TMCO5A: variants seen among roughly 807,000 people sequenced by gnomAD.
TMCO5A encodes transmembrane and coiled-coil domains 5A.
TMCO5A carries 34 observed loss-of-function variants against 42.3 expected under a neutral mutation model. The ratio of observed to expected loss-of-function variants is 0.80; its 90% confidence interval spans 0.61 to 1.07. The LOEUF (loss-of-function observed/expected upper bound fraction) is 1.07, where lower values mean the gene tolerates loss of function less well. Among genes scored for constraint, TMCO5A ranks in the 50% least tolerant of loss-of-function variants. The pLI, the probability that TMCO5A is intolerant of heterozygous loss-of-function variation, is 0.00. For synonymous variants in TMCO5A, 131 were observed against 115.6 expected (o/e 1.13, Z -0.86); for missense variants, 357 against 327.9 (o/e 1.09, Z -0.69).
chr15:37,958,211 A>T (rs887206895), intron 11 of TMCO5A, among the ~76,000 whole-genome samples: 1 of 152,232 alleles, frequency 6.6e-6, no homozygotes, highest in Non-Finnish European at 1.5e-5. Flanking sequence ...CACCAAAAGC[A>T]AAGGCAACAA....
chr15:38,038,587 A>G, the TMCO5A span, among the ~76,000 whole-genome samples: 1 of 151,948 alleles, frequency 6.6e-6, no homozygotes. Context: ...TTATATTTGT[A>G]GTAGAGATGG....
chr15:37,960,216 A>G (rs770048426), intron 11 of TMCO5A, among the ~76,000 whole-genome samples: 3 of 151,608 alleles, frequency 2.0e-5, no homozygotes, highest in Non-Finnish European at 4.4e-5. Flanking sequence ...CCCAAAGTCC[A>G]TTGTATCATT....
intron 11 of TMCO5A, among the ~76,000 whole-genome samples, chr15:37,965,322 A>G (rs1890531415): frequency 6.6e-6 from 1 of 152,180 alleles, no homozygotes; most frequent in Non-Finnish European, 1.5e-5. Context: ...ACAAGAAAAC[A>G]TCAGAGAAAC....
the TMCO5A span, among the ~76,000 whole-genome samples, chr15:38,016,514 C>G: frequency 2.6e-5 from 4 of 152,126 alleles, no homozygotes; most frequent in Admixed American, 1.3e-4. Flanking sequence ...TGGTGCAAGA[C>G]TAAATGGCAA....
At chr15:38,017,911 G>A in the TMCO5A span, among the ~76,000 whole-genome samples, 1 of 152,230 alleles carries the variant, frequency 6.6e-6, no homozygotes, top group Non-Finnish European at 1.5e-5. Flanking sequence ...ATGAGATCTG[G>A]TTGTTTGAAA....
the TMCO5A span, among the ~76,000 whole-genome samples, chr15:38,000,755 T>C: frequency 2.0e-5 from 3 of 152,138 alleles, no homozygotes; most frequent in Admixed American, 1.3e-4. Flanking sequence ...TCGTAATTTC[T>C]TCATTGACTT....
chr15:37,939,633 A>G (rs561948193), intron 6 of TMCO5A, among the ~76,000 whole-genome samples: 2 of 152,220 alleles, frequency 1.3e-5, no homozygotes, highest in East Asian at 1.9e-4. Context: ...AGCCCTAAAG[A>G]GTTCAAGAAT....
chr15:38,038,614 C>A, the TMCO5A span, among the ~76,000 whole-genome samples: 1 of 152,172 alleles, frequency 6.6e-6, no homozygotes, highest in Non-Finnish European at 1.5e-5. Context: ...ACCATGTTAA[C>A]CAGGAATGGT....
rs543876878 is a variant in TMCO5A, at chr15:37,936,907, G to C, written c.201G>C (p.Glu67Asp). 1 of 1,612,510 alleles carries C rather than the reference G, an allele frequency of 6.2e-7. No individual in the cohort carries two copies. Among genetic ancestry groups the C allele is most frequent in the Non-Finnish European group, 8.5e-7 (1 of 1,179,202 alleles). Reference sequence around the variant, plus strand: ...TGGAAGATGAAGAGTGGGAGAAGGAGAACCGCACCACGATGGAAAGGGAAA... The same window carrying C: ...TGGAAGATGAAGAGTGGGAGAAGGACAACCGCACCACGATGGAAAGGGAAA... ...GLVEDEEWEK[E>D]NRTTMERERA... Residue 67 changes from glutamate (E) to aspartate (D), a missense_variant, in exon 4 of 12, where the codon GAG becomes GAC. Physicochemically the swap from Glu to Asp is conservative, Grantham distance 45. Coordinates refer to ENST00000319669, the MANE Select transcript of TMCO5A (RefSeq NM_152453.4).
At chr15:38,022,901 G>C in the TMCO5A span, among the ~76,000 whole-genome samples, 1 of 151,970 alleles carries the variant, frequency 6.6e-6, no homozygotes, top group Non-Finnish European at 1.5e-5. Flanking sequence ...AAGAAAGTAT[G>C]AAACTATATT....
intron 9 of TMCO5A, 119 bp downstream of exon 9, chr15:37,942,374 T>G: frequency 1.1e-6 from 1 of 892,300 alleles, no homozygotes; most frequent in East Asian, 2.4e-5. Flanking sequence ...ACGCCACATA[T>G]CTTTGCCCTC....
the TMCO5A span, among the ~76,000 whole-genome samples, chr15:38,021,895 C>G: frequency 6.6e-6 from 1 of 151,528 alleles, no homozygotes; most frequent in African/African-American, 2.4e-5. Context: ...CTGCAACCTC[C>G]ACCTCCTGGG....
the TMCO5A span, among the ~76,000 whole-genome samples, chr15:37,990,699 C>T: frequency 1.3e-5 from 2 of 151,912 alleles, no homozygotes; most frequent in East Asian, 1.9e-4. Flanking sequence ...TTTTTTCACC[C>T]TCATTTCCTG....
intron 2 of TMCO5A, 73 bp from the exon 3 acceptor site, chr15:37,936,241 T>C (rs1889504856): frequency 6.6e-7 from 1 of 1,523,140 alleles, no homozygotes; most frequent in Non-Finnish European, 8.8e-7. Flanking sequence ...GTGTTCTAAA[T>C]ACCCTTTTTG....
Position 37,961,103 on chromosome 15 carries a change from G to A in TMCO5A, c.669-5522G>A, listed in dbSNP as rs186756992. ...CATTTGCTTTTGGGTTCTTGGTCAG[G>A]AAATCCTTGCCTAAGCCAATGCCTA... is the stretch of plus-strand genomic sequence containing the variant. On this transcript the variant is annotated intron_variant, in intron 11 of 11. Transcript: ENST00000559502. Among the ~76,000 whole-genome samples the A allele has an allele frequency of 5.4e-3, 825 of 152,136 alleles. 4 individuals carry two copies. Among genetic ancestry groups the A allele is most frequent in the Non-Finnish European group, 6.3e-3 (426 of 67,944 alleles).
chr15:37,964,775 A>C (rs1226248551), intron 11 of TMCO5A, among the ~76,000 whole-genome samples: 1 of 152,216 alleles, frequency 6.6e-6, no homozygotes, highest in African/African-American at 2.4e-5. Flanking sequence ...ACACCAAAAA[A>C]TGGAAAGTTA....
the TMCO5A span, among the ~76,000 whole-genome samples, chr15:37,982,293 T>A: frequency 1.3e-5 from 2 of 151,958 alleles, no homozygotes; most frequent in African/African-American, 4.8e-5. Context: ...TTATGAGGTC[T>A]CTGTCCTTAC....
chr15:37,936,765 T>C, intron 3 of TMCO5A, 82 bp from the exon 4 acceptor site: 1 of 1,572,214 alleles, frequency 6.4e-7, no homozygotes, highest in Non-Finnish European at 8.6e-7. Context: ...TCCCTGAAGT[T>C]CCCTTATATC....
the TMCO5A span, among the ~76,000 whole-genome samples, chr15:38,026,817 AAGGG>A: frequency 1.3e-5 from 2 of 152,194 alleles, no homozygotes; most frequent in Non-Finnish European, 2.9e-5. Context: ...CCATGGCTGA[AAGGG>A]GCCAACATAG....
Sources: gnomAD v4.1 joint callset for allele counts (sites outside exome capture counted in the v4.1 genomes callset) on GRCh38, gnomAD v4.1.1 for gene constraint, MANE v1.5 for transcripts, NCBI Gene and HGNC (gene_info 2026-07-23, HGNC 2026-07-21) for gene names.